Variants in COA1 observed in about 807,000 individuals in gnomAD.
COA1 encodes the protein cytochrome c oxidase assembly factor 1, also known as cytochrome c oxidase assembly factor 1 homolog.
In COA1, 13 loss-of-function variants were observed where a neutral mutation model predicts 16.0. That is an observed-to-expected ratio of 0.81 (90% CI 0.53 to 1.29). The LOEUF (loss-of-function observed/expected upper bound fraction) is 1.29. Ranked by LOEUF, COA1 falls within the 50% of genes most tolerant of loss-of-function variation. COA1 has a pLI of 0.00. For missense variants in COA1, 179 were observed against 177.0 expected (o/e 1.01, Z -0.06); for synonymous variants, 65 against 65.7 (o/e 0.99, Z 0.05).
chr7:43,635,364 T>A (rs1439836007), downstream of COA1, among the ~76,000 whole-genome samples: 4 of 152,160 alleles, frequency 2.6e-5, no homozygotes, highest in African/African-American at 9.7e-5. Flanking sequence ...TAAGCTGGGG[T>A]AACAAATAGC....
intron 1 of COA1, among the ~76,000 whole-genome samples, chr7:43,682,885 T>C (rs2093832583): frequency 6.6e-6 from 1 of 152,234 alleles, no homozygotes; most frequent in Admixed American, 6.5e-5. Flanking sequence ...AGTCTTGCTC[T>C]GTCGCCCAGG....
chr7:43,723,559 C>A (rs1329785217), intron 1 of COA1, among the ~76,000 whole-genome samples: 2 of 151,956 alleles, frequency 1.3e-5, no homozygotes, highest in African/African-American at 4.8e-5. Flanking sequence ...TACAAGTTTG[C>A]AAACTCACCT....
intron 1 of COA1, among the ~76,000 whole-genome samples, chr7:43,692,545 A>AC (rs2094408615): frequency 2.0e-5 from 3 of 151,844 alleles, no homozygotes; most frequent in African/African-American, 4.8e-5. Context: ...CAACAACAAA[A>AC]AAAAAACCAC....
intron 1 of COA1, among the ~76,000 whole-genome samples, chr7:43,692,418 T>C (rs2094402223): frequency 1.3e-5 from 2 of 152,018 alleles, no homozygotes; most frequent in South Asian, 4.1e-4. Flanking sequence ...CTTGGGAGGC[T>C]GAGCTGGGAA....
intron 6 of COA1, among the ~76,000 whole-genome samples, chr7:43,628,376 G>A (rs1478470911): frequency 1.3e-5 from 2 of 152,192 alleles, no homozygotes; most frequent in Admixed American, 1.3e-4. Flanking sequence ...GGACCCCTGA[G>A]CTGTTTCTGT....
At chr7:43,680,805 C>G (rs963260812) in intron 1 of COA1, among the ~76,000 whole-genome samples, 1 of 151,974 alleles carries the variant, frequency 6.6e-6, no homozygotes, top group Non-Finnish European at 1.5e-5. Context: ...CCCATCTCTA[C>G]AAAAAATACA....
In COA1 at chr7:43,686,904, T is replaced by C. The variant is rs946741379; in HGVS notation, c.-38-38252A>G. Among the ~76,000 whole-genome samples the C allele has an allele frequency of 1.3e-5, 2 of 152,216 alleles. 1 individual carries two copies. Among genetic ancestry groups the C allele is most frequent in the South Asian group, 4.1e-4 (2 of 4,830 alleles). On this transcript the variant is annotated intron_variant, in intron 1 of 5. Transcript: ENST00000223336. ...TGTTGATACTAGCTGTGCCTTACTA[T>C]TGTTTTTTAATGACTATTATATCAA...
At chr7:43,684,583 T>C (rs1584954217) in intron 1 of COA1, among the ~76,000 whole-genome samples, 1 of 152,086 alleles carries the variant, frequency 6.6e-6, no homozygotes, top group South Asian at 2.1e-4. Context: ...CGTGAGCCAG[T>C]GCAAATTCAA....
chr7:43,708,446 G>A (rs896315407), intron 1 of COA1, among the ~76,000 whole-genome samples: 5 of 148,550 alleles, frequency 3.4e-5, no homozygotes, highest in African/African-American at 9.8e-5. Context: ...GGGTAACAAA[G>A]CAAGACCTTT....
rs142215060 is a variant in COA1 at position 43,691,445 on chromosome 7, G to GA, written c.-39+37983dup. Among the ~76,000 whole-genome samples the GA allele has an allele frequency of 9.1e-3, 1,313 of 144,318 alleles. 42 individuals are homozygous for GA. Among genetic ancestry groups the GA allele is most frequent in the African/African-American group, 0.035 (1,255 of 36,048 alleles). 94.7% of individuals were successfully genotyped at this position (144,318 alleles called of 152,430 possible). ...AAAAAGAAAGAAAGAAAGAAAGAAA[G>GA]AAAGAAAGAAAGAAAGAAAGAAAGA... is the stretch of plus-strand genomic sequence containing the variant. On this transcript the variant is annotated intron_variant, in intron 1 of 5. Coordinates refer to ENST00000223336, the MANE Select transcript of COA1 (RefSeq NM_018224.4).
intron 3 of COA1, chr7:43,647,314 A>T: frequency 1.8e-6 from 1 of 566,426 alleles, no homozygotes; most frequent in Non-Finnish European, 3.2e-6. Context: ...CTTCTTATGC[A>T]TATTAGTCCT....
Position 43,648,594 on chromosome 7 carries a change from C to A in COA1, c.15+6G>T, listed in dbSNP as rs1313798027. ...TGGGGAACTTGGCCCTGGAACATTC[C>A]ATTACCTTTTGCCACATCATAGCAC... On this transcript the variant is annotated splice_donor_region_variant and intron_variant, in intron 2 of 5. Coordinates refer to ENST00000223336, the MANE Select transcript of COA1 (RefSeq NM_018224.4). 3.7e-6 allele frequency: 6 copies of A among 1,614,062 alleles called. No homozygotes were observed. In the South Asian group the frequency reaches 6.6e-5, roughly 18 times the overall value.
At chr7:43,690,908 T>C (rs2094248228) in intron 1 of COA1, among the ~76,000 whole-genome samples, 1 of 151,508 alleles carries the variant, frequency 6.6e-6, no homozygotes, top group African/African-American at 2.4e-5. Context: ...AGGAGGGCCC[T>C]ACAAGAGAAT....
intron 1 of COA1, among the ~76,000 whole-genome samples, chr7:43,719,709 T>C (rs538165344): frequency 2.0e-5 from 3 of 152,134 alleles, no homozygotes; most frequent in Non-Finnish European, 4.4e-5. Flanking sequence ...ACTATGAAAA[T>C]GTCCCCTGAC....
In COA1 at chr7:43,669,219, T is replaced by C. The variant is rs137951649; in HGVS notation, c.-38-20567A>G. ...GACATCTCCACATGGGGGGATGTTA[T>C]AGGAGTTTATTAAGAAATTATTTTA... On this transcript the variant is annotated intron_variant, in intron 1 of 5. Coordinates refer to ENST00000223336, the MANE Select transcript of COA1 (RefSeq NM_018224.4). Among the ~76,000 whole-genome samples, 652 of 152,300 alleles carry C rather than the reference T, an allele frequency of 4.3e-3. 2 individuals carry two copies. Among genetic ancestry groups the C allele is most frequent in the Non-Finnish European group, 7.4e-3 (501 of 68,020 alleles).
chr7:43,629,339 G>C (rs1200248569), intron 6 of COA1, among the ~76,000 whole-genome samples: 2 of 152,158 alleles, frequency 1.3e-5, no homozygotes, highest in African/African-American at 4.8e-5. Flanking sequence ...ACTACTCCCA[G>C]AAGAAGCCTT....
At chr7:43,715,049 AAAATAAATGCC>A (rs2095358689) in intron 1 of COA1, among the ~76,000 whole-genome samples, 1 of 151,494 alleles carries the variant, frequency 6.6e-6, no homozygotes, top group Non-Finnish European at 1.5e-5. Flanking sequence ...ATTTAATACA[AAAATAAATGCC>A]AAATAAAAAT....
At chr7:43,696,996 C>T (rs1369912168) in intron 1 of COA1, among the ~76,000 whole-genome samples, 6 of 151,826 alleles carry the variant, frequency 4.0e-5, no homozygotes, top group East Asian at 1.9e-4. Context: ...TGGTGACACA[C>T]GCCTGTAGTC....
chr7:43,727,857 T>C (rs1455391167), intron 1 of COA1, among the ~76,000 whole-genome samples: 7 of 152,228 alleles, frequency 4.6e-5, no homozygotes, highest in Admixed American at 4.6e-4. Flanking sequence ...TATTGGAGTC[T>C]GTCTGAAATA....
Sources: gnomAD v4.1 joint callset for allele counts (sites outside exome capture counted in the v4.1 genomes callset) on GRCh38, gnomAD v4.1.1 for gene constraint, MANE v1.5 for transcripts, NCBI Gene and HGNC (gene_info 2026-07-23, HGNC 2026-07-21) for gene names.